Variants in UTRN observed in about 807,000 individuals in gnomAD.
The protein encoded by UTRN is dystrophin-related protein 1.
UTRN carries 283 observed loss-of-function variants against 463.9 expected under a neutral mutation model. The observed-to-expected ratio is 0.61, with a 90% CI of 0.55 to 0.67. The LOEUF (loss-of-function observed/expected upper bound fraction) is 0.67. UTRN is among the 30% of genes least tolerant of loss of function. The pLI is 0.00. For missense variants in UTRN, 3,922 were observed against 4,084.3 expected, an observed-to-expected ratio of 0.96 and a Z score of 1.08; for synonymous variants, 1,442 against 1,431.5, an observed-to-expected ratio of 1.01 and a Z score of -0.17.
chr6:144,428,929 C>T (rs1386051127), intron 8 of UTRN, 36 bp downstream of exon 8: 1 of 1,426,390 alleles, frequency 7.0e-7, no homozygotes, highest in Non-Finnish European at 9.6e-7. Context: ...CTTGATTTTG[C>T]TTTACAGTTT....
chr6:144,624,235 T>C (rs1253918695), intron 51 of UTRN, among the ~76,000 whole-genome samples: 2 of 152,142 alleles, frequency 1.3e-5, no homozygotes, highest in Non-Finnish European at 2.9e-5. Flanking sequence ...TGAGTTCTTG[T>C]CAAAGAATAT....
At chr6:144,473,071 T>A (rs1319897223) in intron 23 of UTRN, among the ~76,000 whole-genome samples, 1 of 152,168 alleles carries the variant, frequency 6.6e-6, no homozygotes, top group African/African-American at 2.4e-5. Flanking sequence ...TGGCCCTTAT[T>A]TGCATTCTTT....
rs530599307 is a variant in UTRN at position 144,605,349 on chromosome 6, A to G, written c.7479+28061A>G. On this transcript the variant is annotated intron_variant, in intron 51 of 74. Coordinates refer to ENST00000367545, the MANE Select transcript of UTRN (RefSeq NM_007124.3). ...CACAGCCCTGATATCCAGCATTGGC[A>G]TATAATAGGTATGCAAGAGTACTTG... is the stretch of plus-strand genomic sequence containing the variant. 2.0e-4 allele frequency among the ~76,000 whole-genome samples: 31 copies of G among 152,272 alleles called. 1 individual carries two copies. The highest frequency in any genetic ancestry group is 1.2e-3 in the South Asian group (6 of 4,824).
chr6:144,686,655 C>CT (rs199966410), intron 52 of UTRN, among the ~76,000 whole-genome samples: 5,007 of 150,864 alleles, frequency 0.033, 108 homozygotes, highest in African/African-American at 0.044. Context: ...CCTTCTTTGT[C>CT]TTTTTTTTTA....
intron 51 of UTRN, among the ~76,000 whole-genome samples, chr6:144,634,642 G>C (rs1025908954): frequency 3.3e-5 from 5 of 152,110 alleles, no homozygotes; most frequent in South Asian, 2.1e-4. Context: ...TATTTATAGA[G>C]CTGTACAACC....
chr6:144,498,030 C>G (rs1420586707), intron 33 of UTRN, among the ~76,000 whole-genome samples: 1 of 152,184 alleles, frequency 6.6e-6, no homozygotes, highest in African/African-American at 2.4e-5. Context: ...CAGTTGAGTA[C>G]TAGGTCTGGA....
chr6:144,777,099 A>G (rs1157915100), intron 60 of UTRN, among the ~76,000 whole-genome samples: 1 of 152,132 alleles, frequency 6.6e-6, no homozygotes, highest in African/African-American at 2.4e-5. Flanking sequence ...GTTCGTCTCT[A>G]CTTAGGACCT....
chr6:144,441,191 C>T (rs944868484), intron 13 of UTRN, among the ~76,000 whole-genome samples: 20 of 152,306 alleles, frequency 1.3e-4, no homozygotes, highest in Non-Finnish European at 2.8e-4. Flanking sequence ...AAAGTCTTAA[C>T]TCATTTCAGC....
At chr6:144,353,429 T>G (rs1053454199) in intron 2 of UTRN, among the ~76,000 whole-genome samples, 2 of 151,646 alleles carry the variant, frequency 1.3e-5, no homozygotes, top group Admixed American at 1.3e-4. Flanking sequence ...GATTTTTTTT[T>G]TTTTTTTTAA....
intron 50 of UTRN, among the ~76,000 whole-genome samples, chr6:144,569,979 C>T (rs1800789558): frequency 1.3e-5 from 2 of 152,250 alleles, no homozygotes; most frequent in South Asian, 4.1e-4. Flanking sequence ...TAAATGCAGC[C>T]CTGCTGATAA....
In UTRN at chr6:144,286,820, A is replaced by T. The variant is rs1803710504; in HGVS notation, c.-93+999A>T. Reference sequence around the variant, plus strand: ...CACTTTATTTTACAAGGAACTGCAGAGCTCGGGTTCTAACTCCACGGCCCC... The same window carrying T: ...CACTTTATTTTACAAGGAACTGCAGTGCTCGGGTTCTAACTCCACGGCCCC... On this transcript the variant is annotated intron_variant, in intron 1 of 74. Coordinates refer to ENST00000367545, the MANE Select transcript of UTRN (RefSeq NM_007124.3). This position sits in a 1 kb window ranked among gnomAD's most constrained non-coding sequence, Gnocchi z 4.4. 6.6e-6 allele frequency among the ~76,000 whole-genome samples: 1 copy of T among 150,906 alleles called. No individual in the cohort carries two copies.
At chr6:144,830,917 A>G (rs1231740919) in intron 69 of UTRN, among the ~76,000 whole-genome samples, 1 of 152,190 alleles carries the variant, frequency 6.6e-6, no homozygotes, top group African/African-American at 2.4e-5. Context: ...CAGTGAAGTC[A>G]TGAACTTGAA....
At chr6:144,576,768 G>A (rs1801477919) in intron 50 of UTRN, among the ~76,000 whole-genome samples, 1 of 152,144 alleles carries the variant, frequency 6.6e-6, no homozygotes, top group Non-Finnish European at 1.5e-5. Context: ...TGAATGAATA[G>A]AATTGCCTTT....
At chr6:144,361,065 A>G (rs956522973) in intron 2 of UTRN, among the ~76,000 whole-genome samples, 17 of 152,162 alleles carry the variant, frequency 1.1e-4, no homozygotes, top group African/African-American at 3.9e-4. Flanking sequence ...AATGAATTTA[A>G]CTTCACCGAT....
At chr6:144,656,405 A>C (rs1186962564) in intron 51 of UTRN, among the ~76,000 whole-genome samples, 2 of 152,206 alleles carry the variant, frequency 1.3e-5, no homozygotes, top group East Asian at 3.8e-4. Context: ...ACTGACTTTA[A>C]ACTAAGAAAG....
intron 2 of UTRN, among the ~76,000 whole-genome samples, chr6:144,356,550 A>G (rs1236841180): frequency 3.3e-5 from 5 of 152,154 alleles, no homozygotes; most frequent in African/African-American, 4.8e-5. Context: ...TTAAACATAC[A>G]CTGCTTAGCC....
chr6:144,491,850 G>C (rs974915917), intron 32 of UTRN, among the ~76,000 whole-genome samples: 6 of 152,176 alleles, frequency 3.9e-5, no homozygotes, highest in East Asian at 3.9e-4. Context: ...ATAGTTCAGG[G>C]GTCTGTTACA....
chr6:144,323,688 T>G (rs146222204), intron 2 of UTRN, among the ~76,000 whole-genome samples: 2 of 152,364 alleles, frequency 1.3e-5, no homozygotes, highest in Admixed American at 1.3e-4. Flanking sequence ...TTGCTTGTTT[T>G]TTTGGTCATA....
intron 2 of UTRN, among the ~76,000 whole-genome samples, chr6:144,369,251 TTAGTTG>T (rs1157483176): frequency 1.2e-4 from 19 of 152,262 alleles, no homozygotes; most frequent in Non-Finnish European, 7.3e-5. Context: ...AGTGCTACCC[TTAGTTG>T]TTTTCTTTCT....
Sources: allele counts gnomAD v4.1 joint callset (sites outside exome capture counted in the v4.1 genomes callset), GRCh38; gene constraint gnomAD v4.1.1; non-coding constraint Gnocchi (gnomAD v3.1); transcripts MANE v1.5; gene names NCBI Gene and HGNC (gene_info 2026-07-23, HGNC 2026-07-21).